Variants in SDK1 observed in about 807,000 individuals in gnomAD.
The protein encoded by SDK1 is protein sidekick-1.
A neutral mutation model predicts 245.5 loss-of-function variants in SDK1; 157 were observed. The ratio of observed to expected loss-of-function variants is 0.64; its 90% CI spans 0.56 to 0.73. SDK1 has a LOEUF of 0.73. Among genes scored for constraint, SDK1 ranks in the 30% least tolerant of loss-of-function variants. The pLI is 0.00. For missense variants in SDK1, 3,583 were observed against 3,002.3 expected (o/e 1.19, Z -4.52); for synonymous variants, 1,647 against 1,278.5 (o/e 1.29, Z -6.15).
At chr7:3,499,483 A>G (rs546414844) in intron 1 of SDK1, among the ~76,000 whole-genome samples, 18 of 152,328 alleles carry the variant, frequency 1.2e-4, no homozygotes, top group Admixed American at 6.5e-4. Flanking sequence ...CAACATTGCC[A>G]GTGTCTTAGA....
At chr7:3,835,805 T>C (rs376505738) in intron 5 of SDK1, among the ~76,000 whole-genome samples, 1 of 152,090 alleles carries the variant, frequency 6.6e-6, no homozygotes, top group African/African-American at 2.4e-5. Context: ...AAACAAGCAA[T>C]TTCAATATGG....
At chr7:3,956,885 C>A (rs1433468612) in intron 7 of SDK1, among the ~76,000 whole-genome samples, 1 of 152,154 alleles carries the variant, frequency 6.6e-6, no homozygotes, top group Non-Finnish European at 1.5e-5. Context: ...CTCCCTGACC[C>A]CAGCGAGGTC....
chr7:4,186,904 T>C (rs1782929566), intron 35 of SDK1, among the ~76,000 whole-genome samples: 1 of 152,154 alleles, frequency 6.6e-6, no homozygotes, highest in African/African-American at 2.4e-5. Flanking sequence ...TGCCCTGTGC[T>C]TTGGGGTCTA....
chr7:4,152,928 G>T (rs1053917424), intron 30 of SDK1, among the ~76,000 whole-genome samples: 1 of 152,208 alleles, frequency 6.6e-6, no homozygotes, highest in African/African-American at 2.4e-5. Flanking sequence ...TGTCTGGTTG[G>T]TGGTTGAAGT....
At chr7:4,229,845 A>T (rs1785639984) in intron 40 of SDK1, among the ~76,000 whole-genome samples, 1 of 152,148 alleles carries the variant, frequency 6.6e-6, no homozygotes, top group Non-Finnish European at 1.5e-5. Context: ...CTTAAAATAG[A>T]GACTTGCTCA....
chr7:3,801,512 T>C lies in SDK1; in HGVS notation c.714-19938T>C, dbSNP rs527576952. Among the ~76,000 whole-genome samples the C allele has an allele frequency of 2.6e-5, 4 of 152,322 alleles. No individual in the cohort carries two copies. The South Asian group carries it at 8.3e-4, about 32-fold the overall frequency. On this transcript the variant is annotated intron_variant, in intron 4 of 44. Coordinates refer to ENST00000404826, the MANE Select transcript of SDK1 (RefSeq NM_152744.4). Reference sequence around the variant, plus strand: ...TACTTATGACCATTGTAGATTGTCATTGTGCTCTCTCTCTATCGTCCTCTC... The same window carrying C: ...TACTTATGACCATTGTAGATTGTCACTGTGCTCTCTCTCTATCGTCCTCTC...
At chr7:4,264,274 CGTAGACCTCTCCTGAGTGGGGAGGCCGT>C (rs1370244344) in intron 44 of SDK1, among the ~76,000 whole-genome samples, 3,628 of 92,430 alleles carry the variant, frequency 0.039, 325 homozygotes, top group African/African-American at 0.06. Flanking sequence ...GGGGAGGCCG[CGTAGACCTCTCCTGAGTGGGGAGGCCGT>C]GTAGACCTCT....
chr7:3,545,509 T>C (rs1779193678), intron 1 of SDK1, among the ~76,000 whole-genome samples: 1 of 152,206 alleles, frequency 6.6e-6, no homozygotes, highest in Non-Finnish European at 1.5e-5. Context: ...TGCAAATATT[T>C]ATCTGCGTGT....
chr7:3,794,039 G>C (rs1406775781), intron 4 of SDK1, among the ~76,000 whole-genome samples: 1 of 152,132 alleles, frequency 6.6e-6, no homozygotes, highest in Non-Finnish European at 1.5e-5. Flanking sequence ...TGCCAAATAT[G>C]TTTCATCTTT....
intron 17 of SDK1, among the ~76,000 whole-genome samples, chr7:4,048,923 A>AC (rs1354473434): frequency 6.6e-6 from 1 of 151,626 alleles, no homozygotes; most frequent in East Asian, 1.9e-4. Flanking sequence ...CTTGTTCCCC[A>AC]CCCCCCGCCT....
intron 1 of SDK1, among the ~76,000 whole-genome samples, chr7:3,385,464 A>AT (rs1583779830): frequency 6.6e-6 from 1 of 151,872 alleles, no homozygotes; most frequent in Admixed American, 6.6e-5. Context: ...GCAGACAATA[A>AT]TTTTTTTTCT....
In SDK1 at chr7:3,844,786, C is replaced by A. The variant is rs150824399; in HGVS notation, c.847+23203C>A. On this transcript the variant is annotated intron_variant, in intron 5 of 44. Coordinates refer to ENST00000404826, the MANE Select transcript of SDK1 (RefSeq NM_152744.4). The stretch of plus-strand genomic sequence containing the variant: ...ACAGAAGTCAGACCTGTGAGCCTCT[C>A]GTGCTGCTGATTCAGCCTGATTAAA... 3.9e-5 allele frequency among the ~76,000 whole-genome samples: 6 copies of A among 152,250 alleles called. No homozygotes were observed. In the South Asian group the frequency reaches 1.2e-3, roughly 32 times the overall value.
chr7:3,905,127 T>C (rs75997617), intron 5 of SDK1, among the ~76,000 whole-genome samples: 2 of 152,082 alleles, frequency 1.3e-5, no homozygotes, highest in East Asian at 3.8e-4. Context: ...CTTTTTTTTT[T>C]CCAATTCATA....
At chr7:3,676,258 A>G (rs537009066) in intron 4 of SDK1, among the ~76,000 whole-genome samples, 1 of 150,706 alleles carries the variant, frequency 6.6e-6, no homozygotes. Flanking sequence ...GGCTCAAGTT[A>G]TACTCCTGCC....
chr7:4,066,951 G>C (rs1779946186), intron 19 of SDK1, among the ~76,000 whole-genome samples: 1 of 152,250 alleles, frequency 6.6e-6, no homozygotes, highest in Non-Finnish European at 1.5e-5. Flanking sequence ...TTTTCTCTGG[G>C]GTGGCATCCT....
In SDK1 at chr7:3,484,722, G is replaced by GT. The variant is rs909557676; in HGVS notation, c.299-134350dup. Among the ~76,000 whole-genome samples the GT allele has an allele frequency of 1.2e-4, 18 of 151,944 alleles. No individual in the cohort carries two copies. The East Asian group carries it at 1.4e-3, about 11-fold the overall frequency. ...TGCACTCACTACCTCCACAAGATCG[G>GT]TTTTTTTTAGCTCCCACATAGGAGT... On this transcript the variant is annotated intron_variant, in intron 1 of 44. Coordinates refer to ENST00000404826, the MANE Select transcript of SDK1 (RefSeq NM_152744.4).
At chr7:4,192,453 T>C (rs1783264276) in intron 35 of SDK1, among the ~76,000 whole-genome samples, 1 of 152,110 alleles carries the variant, frequency 6.6e-6, no homozygotes, top group African/African-American at 2.4e-5. Flanking sequence ...TTCCTTGTAT[T>C]TTTAGTAGAG....
chr7:3,542,177 A>G (rs913607382), intron 1 of SDK1, among the ~76,000 whole-genome samples: 1 of 152,220 alleles, frequency 6.6e-6, no homozygotes, highest in Admixed American at 6.5e-5. Flanking sequence ...AGATTTTTCT[A>G]ATCTGTAGTA....
chr7:3,539,289 T>C (rs1778985563), intron 1 of SDK1, among the ~76,000 whole-genome samples: 1 of 152,122 alleles, frequency 6.6e-6, no homozygotes, highest in African/African-American at 2.4e-5. Flanking sequence ...CCTTCAAAAC[T>C]AGATAGAGAG....
Sources: allele counts gnomAD v4.1 joint callset (sites outside exome capture counted in the v4.1 genomes callset), GRCh38; gene constraint gnomAD v4.1.1; transcripts MANE v1.5; gene names NCBI Gene and HGNC (gene_info 2026-07-23, HGNC 2026-07-21).